Variants in RAD52 observed in about 807,000 individuals in gnomAD.
The protein encoded by RAD52 is DNA repair protein RAD52 homolog.
Under a neutral mutation model 55.5 loss-of-function variants are expected in RAD52, and 47 were observed. The ratio of observed to expected loss-of-function variants is 0.85; its 90% CI spans 0.67 to 1.08. RAD52 has a LOEUF of 1.08. Ranked by LOEUF, RAD52 falls within the 50% of genes least tolerant of loss-of-function variation. The pLI is 0.00. For missense variants in RAD52, 468 were observed against 522.8 expected, an observed-to-expected ratio of 0.90 and a Z score of 1.02; for synonymous variants, 184 against 198.9, an observed-to-expected ratio of 0.92 and a Z score of 0.63.
chr12:961,115 A>C lies in RAD52; in HGVS notation c.-18-28039T>G, dbSNP rs563776105. ...GGCCGATCACCTGAGGTCAGGAGTG[A>C]CCAGCCTGGCCAATATGGTGAAACC... is the stretch of plus-strand genomic sequence containing the variant. On this transcript the variant is annotated intron_variant, in intron 1 of 11. Coordinates refer to the RAD52 transcript ENST00000430095. 9.9e-5 allele frequency among the ~76,000 whole-genome samples: 15 copies of C among 151,596 alleles called. 1 individual carries two copies. In the East Asian group the frequency reaches 2.7e-3, roughly 28 times the overall value.
At position 916,624 on chromosome 12, in the gene RAD52, A is replaced by G; in HGVS notation, c.725+15T>C. On this transcript the variant is annotated intron_variant, in intron 8 of 11. Coordinates refer to ENST00000358495, the MANE Select transcript of RAD52 (RefSeq NM_134424.4). ...GAGGGGCCGCAGAGGAAAGGAGGGG[A>G]CTTAGGCCGCATACCGGGAGCTGCA... 1 of 1,609,898 alleles carries G rather than the reference A, an allele frequency of 6.2e-7. No individual in the cohort carries two copies. The highest frequency in any genetic ancestry group is 1.3e-5 in the African/African-American group (1 of 74,896).
intron 1 of RAD52, among the ~76,000 whole-genome samples, chr12:961,200 C>T (rs946722287): frequency 2.0e-5 from 3 of 149,658 alleles, no homozygotes; most frequent in African/African-American, 7.4e-5. Flanking sequence ...ATCCCAGCTA[C>T]TTGGGAGGCT....
chr12:923,173 G>C, intron 7 of RAD52, among the ~76,000 whole-genome samples: 1 of 150,318 alleles, frequency 6.7e-6, no homozygotes, highest in South Asian at 2.1e-4. Flanking sequence ...TTTTAAAAAA[G>C]AAAAAAAGAT....
At chr12:952,521 G>A (rs1462397393), upstream of RAD52, among the ~76,000 whole-genome samples, 1 of 152,104 alleles carries the variant, frequency 6.6e-6, no homozygotes, top group Non-Finnish European at 1.5e-5. Context: ...TAATTAGAGA[G>A]GGGTCTTTGT....
intron 9 of RAD52, 156 bp downstream of exon 9, chr12:916,188 T>G (rs1489624402): frequency 7.1e-7 from 1 of 1,406,158 alleles, no homozygotes; most frequent in Non-Finnish European, 9.2e-7. Flanking sequence ...ATATCTGAAT[T>G]TCCTGGGCTC....
intron 6 of RAD52, chr12:926,926 C>T (rs769119700): frequency 1.8e-5 from 27 of 1,537,400 alleles, no homozygotes; most frequent in Non-Finnish European, 4.4e-6. Context: ...GATTCTACCA[C>T]TTACTCCCAG....
chr12:929,168 A>G (rs1957196903), intron 5 of RAD52, among the ~76,000 whole-genome samples: 1 of 152,100 alleles, frequency 6.6e-6, no homozygotes, highest in African/African-American at 2.4e-5. Flanking sequence ...GCCTAGCCAA[A>G]CTTTCAACCA....
chr12:949,751 AG>A (rs59753330), upstream of RAD52: 146,027 of 149,094 alleles, frequency 0.98, 71,535 homozygotes, highest in East Asian at 1. Context: ...CCAGCGCCGG[AG>A]GGGGAAAAAA....
In RAD52 at chr12:913,240, CTCAG is replaced by C. The variant is rs951971286; in HGVS notation, c.*147_*150del. 23 of 696,778 alleles carry C rather than the reference CTCAG, an allele frequency of 3.3e-5. No individual in the cohort carries two copies. The Admixed American group carries it at 4.4e-4, about 13-fold the overall frequency. The allele number at this position is 696,778 out of a possible 1,614,324, so 43.2% of individuals were successfully genotyped here. A position where few individuals can be genotyped will look rare whatever the true frequency, so the allele number is the denominator to read the frequency against. On this transcript the variant is annotated 3_prime_UTR_variant, in exon 12 of 12. Transcript: ENST00000358495. ...TGCTCAGCTCTAACTGCAGTGGGCT[CTCAG>C]TCAGATCCTCTTGATAAGGTTCAGA...
At chr12:939,775 A>G (rs1320984816) in intron 1 of RAD52, among the ~76,000 whole-genome samples, 1 of 152,230 alleles carries the variant, frequency 6.6e-6, no homozygotes, top group Non-Finnish European at 1.5e-5. Flanking sequence ...GATGCAAAGA[A>G]GAGAGAAGAG....
At position 933,095 on chromosome 12, in the gene RAD52, GA is replaced by G. The variant is rs56170870; in HGVS notation, c.-18-20del. 336,077 of 1,362,994 alleles carry G rather than the reference GA, an allele frequency of 0.25. 34,958 individuals carry two copies. The highest frequency in any genetic ancestry group is 0.38 in the East Asian group (15,380 of 40,572). The allele number at this position is 1,362,994 out of a possible 1,614,324, so 84.4% of individuals were successfully genotyped here. On this transcript the variant is annotated intron_variant, in intron 1 of 11. Coordinates refer to ENST00000358495, the MANE Select transcript of RAD52 (RefSeq NM_134424.4). ...TTGACCTCTATATAAATAAAAAGCG[GA>G]AAAAAAAAACAACCCTCAAAGAATG...
At chr12:957,587 A>T (rs1404612033) in intron 1 of RAD52, among the ~76,000 whole-genome samples, 1 of 151,868 alleles carries the variant, frequency 6.6e-6, no homozygotes, top group Non-Finnish European at 1.5e-5. Flanking sequence ...GGAGTTCGAG[A>T]TCATCCTGGG....
chr12:913,884 T>C lies in RAD52; in HGVS notation c.1195+10A>G, dbSNP rs373364894. ...CCCTTAATTTTTGTGCCTAAACACC[T>C]CTCTGCTACCTGTTGTGCGTTGGTC... On this transcript the variant is annotated intron_variant, in intron 11 of 11. Transcript: ENST00000358495. 101 of 1,611,320 alleles carry C rather than the reference T, an allele frequency of 6.3e-5. No individual in the cohort carries two copies. The highest frequency in any genetic ancestry group is 3.1e-5 in the Non-Finnish European group (37 of 1,177,572).
At position 916,755 on chromosome 12, in the gene RAD52, T is replaced by A; in HGVS notation, c.609A>T (p.Ala203=). The A allele has an allele frequency of 6.2e-7, 1 of 1,614,174 alleles. No homozygotes were observed. The highest frequency in any genetic ancestry group is 2.2e-5 in the East Asian group (1 of 44,880). Residue 203 remains alanine (A), a synonymous_variant, in exon 8 of 12, where the codon GCA becomes GCT. Transcript: ENST00000358495. ...TGTTCGGTCGGCAGCTGTTGTATCTTGCCTCCTCCACAGACGGTTCAAGAT... is the reference window on the plus strand; with the variant it reads ...TGTTCGGTCGGCAGCTGTTGTATCTAGCCTCCTCCACAGACGGTTCAAGAT... ...RQDLEPSVEE[A]RYNSCRPNMA...
At position 912,648 on chromosome 12, in the gene RAD52, G is replaced by A. The variant is rs1956149484; in HGVS notation, c.*743C>T. 6.0e-6 allele frequency: 1 copy of A among 166,148 alleles called. No homozygotes were observed. Among genetic ancestry groups the A allele is most frequent in the Non-Finnish European group, 1.3e-5 (1 of 79,680 alleles). 10.3% of individuals were successfully genotyped at this position (166,148 alleles called of 1,614,324 possible). A position where few individuals can be genotyped will look rare whatever the true frequency, so the allele number is the denominator to read the frequency against. On this transcript the variant is annotated 3_prime_UTR_variant, in exon 12 of 12. Coordinates refer to ENST00000358495, the MANE Select transcript of RAD52 (RefSeq NM_134424.4). ...AGGCAGAGGTGGGAGTATCACTTGGGCCCAAGAGGTTGTGGAGAGAGCTGT... is the reference window on the plus strand; with the variant it reads ...AGGCAGAGGTGGGAGTATCACTTGGACCCAAGAGGTTGTGGAGAGAGCTGT...
intron 1 of RAD52, among the ~76,000 whole-genome samples, chr12:985,678 C>CATTT (rs920840171): frequency 3.3e-5 from 5 of 151,978 alleles, no homozygotes; most frequent in East Asian, 1.9e-4. Context: ...TTTTAAAAAA[C>CATTT]ATTTATTTAT....
intron 7 of RAD52, among the ~76,000 whole-genome samples, chr12:920,540 A>G (rs1956667626): frequency 6.6e-6 from 1 of 151,340 alleles, no homozygotes; most frequent in African/African-American, 2.4e-5. Flanking sequence ...AGCCTGGGCG[A>G]CAGAGTGAGA....
At chr12:926,890 G>C (rs1957065650) in intron 6 of RAD52, 7 of 1,536,412 alleles carry the variant, frequency 4.6e-6, no homozygotes, top group Non-Finnish European at 5.2e-6. Context: ...ACACATGACT[G>C]AGTGCACGGA....
rs1247341615 is a variant in RAD52, at chr12:961,117, C to A, written c.-18-28041G>T. On this transcript the variant is annotated intron_variant, in intron 1 of 11. Transcript: ENST00000430095. ...CCGATCACCTGAGGTCAGGAGTGAC[C>A]AGCCTGGCCAATATGGTGAAACCCC... is the stretch of plus-strand genomic sequence containing the variant. Among the ~76,000 whole-genome samples the A allele has an allele frequency of 2.0e-5, 3 of 151,332 alleles. No individual in the cohort carries two copies. In the East Asian group the frequency reaches 5.9e-4, roughly 30 times the overall value.
Sources: gnomAD v4.1 joint callset for allele counts (sites outside exome capture counted in the v4.1 genomes callset) on GRCh38, gnomAD v4.1.1 for gene constraint, MANE v1.5 for transcripts, NCBI Gene and HGNC (gene_info 2026-07-23, HGNC 2026-07-21) for gene names.